The following RAB43 variants were observed in gnomAD, a reference collection of about 807,000 sequenced individuals.
The protein encoded by RAB43 is RAB43, member RAS oncogene family.
In RAB43, 6 loss-of-function variants were observed where a neutral mutation model predicts 18.8. The observed-to-expected ratio is 0.32, with a 90% CI of 0.17 to 0.63. The LOEUF (loss-of-function observed/expected upper bound fraction) is 0.63, where lower values mean the gene tolerates loss of function less well. RAB43 is among the 30% of genes least tolerant of loss of function. The pLI, the probability that RAB43 is intolerant of heterozygous loss-of-function variation, is 0.79. For missense variants in RAB43, 195 were observed against 289.1 expected (o/e 0.67, Z 2.36); for synonymous variants, 103 against 124.1 (o/e 0.83, Z 1.13).
intron 1 of RAB43, among the ~76,000 whole-genome samples, chr3:129,114,277 T>C (rs891438894): frequency 2.0e-5 from 3 of 152,228 alleles, no homozygotes; most frequent in African/African-American, 7.2e-5. Context: ...CAATACAAGA[T>C]GGCCTAGATT....
chr3:129,092,780 C>A (rs1400254135), intron 2 of RAB43, among the ~76,000 whole-genome samples: 1 of 151,704 alleles, frequency 6.6e-6, no homozygotes, highest in African/African-American at 2.4e-5. Flanking sequence ...CATGGTGAAA[C>A]CCCGTCTCTA....
At chr3:129,114,119 C>T (rs1935345156) in intron 1 of RAB43, among the ~76,000 whole-genome samples, 1 of 152,148 alleles carries the variant, frequency 6.6e-6, no homozygotes, top group African/African-American at 2.4e-5. Flanking sequence ...ATTTCACAGG[C>T]CAGTCTAGAA....
chr3:129,113,405 CG>C (rs1422210279), intron 1 of RAB43, among the ~76,000 whole-genome samples: 3 of 151,940 alleles, frequency 2.0e-5, no homozygotes, highest in Non-Finnish European at 4.4e-5. Context: ...ACCACATGAT[CG>C]GCCCGCCTCG....
chr3:129,093,069 C>T (rs1004158481), intron 2 of RAB43, among the ~76,000 whole-genome samples: 2 of 151,950 alleles, frequency 1.3e-5, no homozygotes, highest in African/African-American at 4.8e-5. Context: ...CGGCTCACTA[C>T]AATCTCCGCC....
chr3:129,117,906 G>C (rs2107584321), intron 1 of RAB43, among the ~76,000 whole-genome samples: 1 of 152,298 alleles, frequency 6.6e-6, no homozygotes, highest in East Asian at 1.9e-4. Context: ...GTTTGACACT[G>C]GCCCACTGGA....
chr3:129,096,504 C>T (rs1408428656), intron 1 of RAB43, among the ~76,000 whole-genome samples: 1 of 152,190 alleles, frequency 6.6e-6, no homozygotes, highest in Non-Finnish European at 1.5e-5. Flanking sequence ...ATCCAGATAA[C>T]CTCTGGTGTG....
In RAB43 at chr3:129,119,755, T is replaced by G. The variant is rs1380506391; in HGVS notation, c.204+1531A>C. Among the ~76,000 whole-genome samples, 13 of 152,350 alleles carry G rather than the reference T, an allele frequency of 8.5e-5. No individual in the cohort carries two copies. In the South Asian group the frequency reaches 2.7e-3, roughly 32 times the overall value. Reference sequence around the variant, plus strand: ...GTGCGCAGTAAACCAGGAGCTCTGCTGGGACACAGTCTGTTATCTCAACAG... The same window carrying G: ...GTGCGCAGTAAACCAGGAGCTCTGCGGGGACACAGTCTGTTATCTCAACAG... On this transcript the variant is annotated intron_variant, in intron 1 of 2. Transcript: ENST00000315150.
At chr3:129,092,972 T>C (rs1182487330) in intron 2 of RAB43, among the ~76,000 whole-genome samples, 2 of 151,630 alleles carry the variant, frequency 1.3e-5, no homozygotes, top group Non-Finnish European at 2.9e-5. Flanking sequence ...AAAAAAAAGT[T>C]CTATAATAGA....
intron 1 of RAB43, among the ~76,000 whole-genome samples, chr3:129,110,536 A>G (rs975721100): frequency 1.3e-5 from 2 of 152,234 alleles, no homozygotes; most frequent in Non-Finnish European, 2.9e-5. Context: ...AAGTAAGGGC[A>G]TAATGTTGAA....
Position 129,088,032 on chromosome 3 carries a change from G to A in RAB43, c.*3064C>T, listed in dbSNP as rs928001690. 6.6e-6 allele frequency: 1 copy of A among 151,930 alleles called. No homozygotes were observed. The highest frequency in any genetic ancestry group is 2.4e-5 in the African/African-American group (1 of 41,314). The allele number at this position is 151,930 out of a possible 1,614,324, so 9.4% of individuals were successfully genotyped here. A position where few individuals can be genotyped will look rare whatever the true frequency, so the allele number is the denominator to read the frequency against. ...TATCAACAAAGGAAGAGATGACACT[G>A]TTCTCCTTCCGCCCCAGAGCCCGGG... On this transcript the variant is annotated 3_prime_UTR_variant, in exon 3 of 3. Transcript: ENST00000315150.
intron 1 of RAB43, among the ~76,000 whole-genome samples, chr3:129,110,817 C>CA (rs1935118964): frequency 6.7e-6 from 1 of 149,646 alleles, no homozygotes; most frequent in South Asian, 2.1e-4. Flanking sequence ...AAACAAAAAA[C>CA]AAAAAACAAA....
intron 1 of RAB43, among the ~76,000 whole-genome samples, chr3:129,118,368 G>A (rs780114674): frequency 6.6e-6 from 1 of 152,098 alleles, no homozygotes; most frequent in African/African-American, 2.4e-5. Flanking sequence ...CAAATGTTTC[G>A]GTTTTTTTAG....
At chr3:129,112,110 C>T (rs1350595782) in intron 1 of RAB43, among the ~76,000 whole-genome samples, 2 of 151,822 alleles carry the variant, frequency 1.3e-5, no homozygotes, top group Admixed American at 1.3e-4. Context: ...AAAAATTAGC[C>T]GGGCGTGGTG....
chr3:129,111,345 T>C (rs1472604867), intron 1 of RAB43, among the ~76,000 whole-genome samples: 2 of 151,998 alleles, frequency 1.3e-5, no homozygotes, highest in South Asian at 2.1e-4. Context: ...TGAAACCTCA[T>C]CTCTACTAAA....
At position 129,103,106 on chromosome 3, in the gene RAB43, G is replaced by A. The variant is rs574911312; in HGVS notation, c.205-7937C>T. The stretch of plus-strand genomic sequence containing the variant: ...AGAGGGAGGCTCTGAGGGGCGCTGG[G>A]ACTCGGCCAAGGCATCCCAACGCAG... On this transcript the variant is annotated intron_variant, in intron 1 of 2. Transcript: ENST00000315150. Among the ~76,000 whole-genome samples, 4 of 152,322 alleles carry A rather than the reference G, an allele frequency of 2.6e-5. No individual in the cohort carries two copies. In the South Asian group the frequency reaches 6.2e-4, roughly 24 times the overall value.
In RAB43 at chr3:129,121,456, C is replaced by T. The variant is rs1306126848; in HGVS notation, c.34G>A (p.Asp12Asn). The T allele has an allele frequency of 1.2e-6, 2 of 1,612,486 alleles. No homozygotes were observed. Among genetic ancestry groups the T allele is most frequent in the African/African-American group, 2.7e-5 (2 of 75,018 alleles). The change falls in exon 1 of 3, where the codon GAC (aspartate) becomes AAC (asparagine). Residue 12 changes from aspartate (D) to asparagine (N), a missense_variant. Asp to Asn is a conservative substitution (Grantham distance 23). Coordinates refer to ENST00000315150, the MANE Select transcript of RAB43 (RefSeq NM_198490.3). ...AGPGPGPGDP[D>N]EQYDFLFKLV... is the part of the protein sequence containing the mutation. ...TTGAACAGGAAATCGTACTGCTCGT[C>T]CGGGTCCCCCGGGCCTGGGCCCGGC...
chr3:129,106,444 C>T (rs2108009469), intron 1 of RAB43, among the ~76,000 whole-genome samples: 1 of 152,346 alleles, frequency 6.6e-6, no homozygotes, highest in East Asian at 1.9e-4. Flanking sequence ...CCTCCTCCCA[C>T]CATGCTGTGG....
intron 1 of RAB43, among the ~76,000 whole-genome samples, chr3:129,117,900 G>A (rs1347749066): frequency 6.6e-6 from 1 of 152,226 alleles, no homozygotes; most frequent in Non-Finnish European, 1.5e-5. Context: ...CCATGTGTTT[G>A]ACACTGGCCC....
intron 2 of RAB43, among the ~76,000 whole-genome samples, chr3:129,092,966 A>AG (rs1322945945): frequency 6.6e-6 from 1 of 152,040 alleles, no homozygotes; most frequent in East Asian, 1.9e-4. Flanking sequence ...AAAAAAAAAA[A>AG]AAAGTTCTAT....
Sources: gnomAD v4.1 joint callset for allele counts (sites outside exome capture counted in the v4.1 genomes callset) on GRCh38, gnomAD v4.1.1 for gene constraint, MANE v1.5 for transcripts, NCBI Gene and HGNC (gene_info 2026-07-23, HGNC 2026-07-21) for gene names.